Variants in OSBPL10 observed in about 807,000 individuals in gnomAD.
OSBPL10 encodes oxysterol binding protein like 10.
Under a neutral mutation model 81.7 loss-of-function variants are expected in OSBPL10, and 49 were observed. That is an observed-to-expected ratio of 0.60 (90% CI 0.48 to 0.76). OSBPL10 has a LOEUF of 0.76. Among genes scored for constraint, OSBPL10 ranks in the 30% least tolerant of loss-of-function variants. The probability of loss-of-function intolerance (pLI) is 0.00; values close to 1 mark genes in which losing one functional copy is unlikely to be tolerated. For missense variants in OSBPL10, 923 were observed against 987.8 expected, an observed-to-expected ratio of 0.93 and a Z score of 0.88; for synonymous variants, 419 against 383.6, an observed-to-expected ratio of 1.09 and a Z score of -1.08.
rs1699718149 is a variant in OSBPL10, at chr3:31,812,723, AAAGAAAGAAAGAAAG to A, written c.729+17302_729+17316del. Among the ~76,000 whole-genome samples the A allele has an allele frequency of 6.4e-3, 252 of 39,226 alleles. 5 individuals are homozygous for A. Among genetic ancestry groups the A allele is most frequent in the Middle Eastern group, 0.015 (1 of 68 alleles). 25.7% of individuals were successfully genotyped at this position (39,226 alleles called of 152,430 possible). A position where few individuals can be genotyped will look rare whatever the true frequency, so the allele number is the denominator to read the frequency against. ...CTCTACACAGTAGGCAAAAAAAAAGAAAGAAAGAAAGAAAGAAAGAAAGAAAGAAAGAAAGAAAGA... is the reference window on the plus strand; with the variant it reads ...CTCTACACAGTAGGCAAAAAAAAAGAAAAGAAAGAAAGAAAGAAAGAAAGA... On this transcript the variant is annotated intron_variant, in intron 4 of 11. Coordinates refer to ENST00000396556, the MANE Select transcript of OSBPL10 (RefSeq NM_017784.5).
chr3:31,837,228 C>T (rs1700375333), intron 3 of OSBPL10, among the ~76,000 whole-genome samples: 2 of 151,118 alleles, frequency 1.3e-5, no homozygotes, highest in Admixed American at 6.6e-5. Flanking sequence ...TTACCCAAAA[C>T]TTCAATTTAA....
At chr3:31,964,061 A>G (rs565478780) in intron 1 of OSBPL10, among the ~76,000 whole-genome samples, 1 of 152,288 alleles carries the variant, frequency 6.6e-6, no homozygotes, top group East Asian at 1.9e-4. Flanking sequence ...AAATCTCCCT[A>G]TTGAGATGGA....
At chr3:31,966,348 A>G (rs1397569209) in intron 1 of OSBPL10, among the ~76,000 whole-genome samples, 1 of 151,860 alleles carries the variant, frequency 6.6e-6, no homozygotes, top group Non-Finnish European at 1.5e-5. Context: ...CTAAATGTTT[A>G]CATTAGAAAA....
chr3:31,935,316 T>A (rs1365498209), intron 1 of OSBPL10, among the ~76,000 whole-genome samples: 2 of 152,132 alleles, frequency 1.3e-5, no homozygotes, highest in Non-Finnish European at 2.9e-5. Flanking sequence ...ACATATTTGA[T>A]GTTAAGGGAT....
chr3:31,987,566 A>T (rs1403591446), intron 2 of OSBPL10, among the ~76,000 whole-genome samples: 4 of 152,184 alleles, frequency 2.6e-5, no homozygotes, highest in African/African-American at 9.7e-5. Flanking sequence ...TAGATCTAAC[A>T]TGTCAGACCA....
intron 6 of OSBPL10, among the ~76,000 whole-genome samples, chr3:31,729,366 T>C (rs189409460): frequency 1.1e-4 from 16 of 152,162 alleles, no homozygotes; most frequent in African/African-American, 3.6e-4. Context: ...ATATGGGAAT[T>C]AGGTGCCTGT....
chr3:31,944,833 TAAAAAAAAAAAAAAAAAAAAA>T (rs869140991), intron 1 of OSBPL10, among the ~76,000 whole-genome samples: 10 of 55,118 alleles, frequency 1.8e-4, no homozygotes, highest in African/African-American at 3.0e-4. Context: ...CCCCTCTCTT[TAAAAAAAAAAAAAAAAAAAAA>T]AAAAAAAAAA....
intron 4 of OSBPL10, among the ~76,000 whole-genome samples, chr3:31,806,408 A>G (rs934676888): frequency 6.6e-6 from 1 of 152,232 alleles, no homozygotes; most frequent in Admixed American, 6.5e-5. Context: ...ACTCAAATGC[A>G]TCAACGATAA....
At chr3:31,678,453 G>A (rs1251022572) in intron 8 of OSBPL10, among the ~76,000 whole-genome samples, 2 of 152,232 alleles carry the variant, frequency 1.3e-5, no homozygotes, top group African/African-American at 4.8e-5. Context: ...GGAGCCCACC[G>A]CTGGTGGTCG....
intron 1 of OSBPL10, among the ~76,000 whole-genome samples, chr3:31,959,392 T>C (rs1698097403): frequency 6.6e-6 from 1 of 152,208 alleles, no homozygotes; most frequent in Non-Finnish European, 1.5e-5. Flanking sequence ...AAAACTACTG[T>C]TAAACCCAGT....
chr3:31,708,762 CT>C, intron 6 of OSBPL10: 10 of 985,448 alleles, frequency 1.0e-5, no homozygotes, highest in Non-Finnish European at 1.2e-5. Flanking sequence ...CTGGAAGAGT[CT>C]TTTTGGTGGC....
At chr3:31,740,433 CTAAGTA>C (rs1051047359) in intron 5 of OSBPL10, among the ~76,000 whole-genome samples, 4 of 151,746 alleles carry the variant, frequency 2.6e-5, no homozygotes, top group African/African-American at 9.7e-5. Context: ...CATACATTAT[CTAAGTA>C]TTATACTAAT....
chr3:31,941,069 T>G (rs1399831640), intron 1 of OSBPL10, among the ~76,000 whole-genome samples: 1 of 152,186 alleles, frequency 6.6e-6, no homozygotes, highest in East Asian at 1.9e-4. Flanking sequence ...GTACTCAACG[T>G]TTGTCCGACA....
chr3:31,948,899 G>A (rs1440639486), intron 1 of OSBPL10, among the ~76,000 whole-genome samples: 1 of 152,156 alleles, frequency 6.6e-6, no homozygotes, highest in Non-Finnish European at 1.5e-5. Flanking sequence ...GTAATGCAGG[G>A]CCAAATAAGT....
At chr3:31,970,318 C>A in intron 1 of OSBPL10, among the ~76,000 whole-genome samples, 1 of 152,198 alleles carries the variant, frequency 6.6e-6, no homozygotes, top group Non-Finnish European at 1.5e-5. Context: ...GGCCAGATTT[C>A]TTCTGTCTCC....
rs1696460966 is a variant in OSBPL10, at chr3:31,907,976, G to C, written c.282-28146C>G. On this transcript the variant is annotated intron_variant, in intron 1 of 11. Transcript: ENST00000396556. The stretch of plus-strand genomic sequence containing the variant: ...GAGGCTGGGAAAAGGCTGCGGTGGA[G>C]GAGCAGTTCTAACTTCACTGGGTCA... Among the ~76,000 whole-genome samples, 3 of 152,178 alleles carry C rather than the reference G, an allele frequency of 2.0e-5. No homozygotes were observed. The South Asian group carries it at 6.2e-4, about 32-fold the overall frequency.
chr3:32,002,855 G>A (rs1243090594), intron 2 of OSBPL10, among the ~76,000 whole-genome samples: 1 of 152,158 alleles, frequency 6.6e-6, no homozygotes, highest in Non-Finnish European at 1.5e-5. Context: ...CTGATGAATG[G>A]CCAGGCAGAT....
intron 2 of OSBPL10, among the ~76,000 whole-genome samples, chr3:32,009,472 T>A (rs1267409709): frequency 1.3e-5 from 2 of 152,178 alleles, no homozygotes; most frequent in African/African-American, 4.8e-5. Flanking sequence ...AATGATACAG[T>A]CTTCCACACA....
At position 31,837,316 on chromosome 3, in the gene OSBPL10, C is replaced by T. The variant is rs1700376682; in HGVS notation, c.538-7085G>A. Among the ~76,000 whole-genome samples, 3 of 91,386 alleles carry T rather than the reference C, an allele frequency of 3.3e-5. No individual in the cohort carries two copies. In the South Asian group the frequency reaches 1.1e-3, roughly 35 times the overall value. 60.0% of individuals were successfully genotyped at this position (91,386 alleles called of 152,430 possible). ...GCTATATTCCTAGAATTACAGATCC[C>T]CAAATTATATATATATATATATATA... On this transcript the variant is annotated intron_variant, in intron 3 of 11. Transcript: ENST00000396556.
Sources: gnomAD v4.1 joint callset for allele counts (sites outside exome capture counted in the v4.1 genomes callset) on GRCh38, gnomAD v4.1.1 for gene constraint, MANE v1.5 for transcripts, NCBI Gene and HGNC (gene_info 2026-07-23, HGNC 2026-07-21) for gene names.